The following PGM3 variants were observed in gnomAD, a reference collection of about 807,000 sequenced individuals.
The protein encoded by PGM3 is phosphoglucomutase 3.
In PGM3, 40 loss-of-function variants were observed where a neutral mutation model predicts 66.2. The observed-to-expected ratio is 0.60, with a 90% CI of 0.47 to 0.79. The LOEUF is 0.79. PGM3 is among the 30% of genes least tolerant of loss of function. PGM3 has a pLI of 0.00. For synonymous variants in PGM3, 191 were observed against 224.2 expected, an observed-to-expected ratio of 0.85 and a Z score of 1.32; for missense variants, 537 against 643.4, an observed-to-expected ratio of 0.83 and a Z score of 1.79.
the PGM3 span, chr6:83,153,434 A>C: frequency 1.1e-6 from 1 of 892,220 alleles, no homozygotes; most frequent in South Asian, 2.3e-5. Context: ...AGGTTTTCTA[A>C]CAAACTGAAA....
the PGM3 span, among the ~76,000 whole-genome samples, chr6:83,154,888 A>G: frequency 3.3e-5 from 5 of 152,214 alleles, no homozygotes; most frequent in African/African-American, 9.6e-5. Context: ...CTTTAGCTAA[A>G]GCTACAGTTT....
At chr6:83,164,473 A>C (rs1263527056), downstream of PGM3, among the ~76,000 whole-genome samples, 1 of 152,046 alleles carries the variant, frequency 6.6e-6, no homozygotes, top group Non-Finnish European at 1.5e-5. Context: ...GAATTTTTAT[A>C]AGACCCCCCT....
At chr6:83,162,966 G>T (rs1424148543), downstream of PGM3, 10 of 1,556,470 alleles carry the variant, frequency 6.4e-6, no homozygotes, top group Non-Finnish European at 7.9e-6. Flanking sequence ...ACTACATGTT[G>T]CATTAGTGAG....
chr6:83,175,606 A>T (rs1787703019), intron 9 of PGM3, among the ~76,000 whole-genome samples: 1 of 152,226 alleles, frequency 6.6e-6, no homozygotes, highest in South Asian at 2.1e-4. Context: ...CTTATTAATT[A>T]TCAACTTTCC....
chr6:83,153,609 C>T, the PGM3 span: 18 of 1,592,102 alleles, frequency 1.1e-5, no homozygotes, highest in Admixed American at 1.7e-5. Context: ...TGCCCTACCT[C>T]AGAAATCACA....
Position 83,181,918 on chromosome 6 carries a change from C to A in PGM3, c.605G>T (p.Gly202Val). Residue 202 changes from glycine (G) to valine (V), a missense_variant, in exon 6 of 13, where the codon GGA becomes GTA. Transcript: ENST00000513973. ...VELTKQASCS[G>V]DEYRSLKVDC... ...AACCTTAAGTGATCTGTATTCATCTCCACTGCAAGAAGCCTACAAAGGAAA... is the reference window on the plus strand; with the variant it reads ...AACCTTAAGTGATCTGTATTCATCTACACTGCAAGAAGCCTACAAAGGAAA... 1 of 1,589,526 alleles carries A rather than the reference C, an allele frequency of 6.3e-7. No individual in the cohort carries two copies. The highest frequency in any genetic ancestry group is 2.2e-5 in the East Asian group (1 of 44,656).
chr6:83,171,581 C>T (rs1229079207), intron 11 of PGM3, among the ~76,000 whole-genome samples: 1 of 152,304 alleles, frequency 6.6e-6, no homozygotes, highest in Non-Finnish European at 1.5e-5. Flanking sequence ...ACCTCTGCCT[C>T]CCAGGTTCAA....
At chr6:83,162,706 GATCT>G, downstream of PGM3, 1 of 1,435,326 alleles carries the variant, frequency 7.0e-7, no homozygotes, top group South Asian at 1.6e-5. Flanking sequence ...GTGGGGTCAT[GATCT>G]TTCTACTACA....
chr6:83,183,063 G>A (rs1788313575), intron 4 of PGM3, 85 bp from the exon 5 acceptor site: 9 of 1,243,358 alleles, frequency 7.2e-6, no homozygotes, highest in African/African-American at 1.5e-5. Flanking sequence ...AGGAATTTCA[G>A]GGTGACAAAT....
chr6:83,165,982 T>G lies in PGM3; in HGVS notation c.*3252A>C. 3.0e-6 allele frequency: 1 copy of G among 333,190 alleles called. No individual in the cohort carries two copies. The highest frequency in any genetic ancestry group is 5.8e-6 in the Non-Finnish European group (1 of 171,670). 20.6% of individuals were successfully genotyped at this position (333,190 alleles called of 1,614,324 possible). On this transcript the variant is annotated 3_prime_UTR_variant, in exon 13 of 13. Transcript: ENST00000513973. ...CCATGACCATTTTTTGGAGCAAGTT[T>G]GGCTTTGGGAAGTGCTTTGGAGCTT...
At chr6:83,191,053 A>G in intron 1 of PGM3, 39 bp from the exon 2 acceptor site, 1 of 1,582,074 alleles carries the variant, frequency 6.3e-7, no homozygotes, top group Non-Finnish European at 8.7e-7. Flanking sequence ...CATAACAAGT[A>G]ATTTCTTAAG....
In PGM3 at chr6:83,166,184, T is replaced by C. The variant is rs1337985302; in HGVS notation, c.*3050A>G. The C allele has an allele frequency of 2.0e-6, 1 of 507,678 alleles. No individual in the cohort carries two copies. The highest frequency in any genetic ancestry group is 3.5e-6 in the Non-Finnish European group (1 of 288,692). 31.4% of individuals were successfully genotyped at this position (507,678 alleles called of 1,614,324 possible). A position where few individuals can be genotyped will look rare whatever the true frequency, so the allele number is the denominator to read the frequency against. On this transcript the variant is annotated 3_prime_UTR_variant, in exon 13 of 13. Transcript: ENST00000513973. ...CTCAGCTCATGAGGCACCCATTTAT[T>C]GAGCTTTTTCACCTTTTCAATTTGC...
At chr6:83,162,280 C>A (rs1456084040), downstream of PGM3, among the ~76,000 whole-genome samples, 1 of 151,922 alleles carries the variant, frequency 6.6e-6, no homozygotes. Context: ...GACAAAATTA[C>A]AAACAAAAAT....
chr6:83,174,543 A>G, intron 9 of PGM3, 56 bp from the exon 10 acceptor site: 1 of 900,142 alleles, frequency 1.1e-6, no homozygotes, highest in East Asian at 2.7e-5. Flanking sequence ...CCTAGTCATA[A>G]GTACTATTAT....
downstream of PGM3, among the ~76,000 whole-genome samples, chr6:83,159,230 G>A (rs762194950): frequency 1.3e-5 from 2 of 151,942 alleles, no homozygotes; most frequent in South Asian, 2.1e-4. Context: ...AAAGTTTCTC[G>A]CTTTTACAGT....
chr6:83,190,698 G>C, intron 2 of PGM3, 111 bp downstream of exon 2: 2 of 832,862 alleles, frequency 2.4e-6, no homozygotes, highest in Non-Finnish European at 3.9e-6. Context: ...ACATATAAAT[G>C]AGAAGGCACA....
At chr6:83,159,347 C>T (rs1057037162), downstream of PGM3, among the ~76,000 whole-genome samples, 4 of 152,114 alleles carry the variant, frequency 2.6e-5, no homozygotes, top group African/African-American at 9.7e-5. Flanking sequence ...GATCCTGGCT[C>T]ATTGCAGCCT....
the PGM3 span, chr6:83,151,817 C>A: frequency 6.6e-7 from 1 of 1,510,154 alleles, no homozygotes; most frequent in Non-Finnish European, 9.1e-7. Context: ...GAAATATAAA[C>A]TACAGAAGTT....
At chr6:83,174,717 T>G (rs923983778) in intron 9 of PGM3, among the ~76,000 whole-genome samples, 2 of 152,120 alleles carry the variant, frequency 1.3e-5, no homozygotes, top group African/African-American at 4.8e-5. Flanking sequence ...TTATAAAAAT[T>G]TAAACATCTG....
Sources: gnomAD v4.1 joint callset for allele counts (sites outside exome capture counted in the v4.1 genomes callset) on GRCh38, gnomAD v4.1.1 for gene constraint, MANE v1.5 for transcripts, NCBI Gene and HGNC (gene_info 2026-07-23, HGNC 2026-07-21) for gene names.